The following ADAMTS9 variants were observed in gnomAD, a reference collection of about 807,000 sequenced individuals.
ADAMTS9 encodes the protein A disintegrin and metalloproteinase with thrombospondin motifs 9.
In ADAMTS9, 107 loss-of-function variants were observed where a neutral mutation model predicts 257.1. The observed-to-expected ratio is 0.42, with a 90% CI of 0.36 to 0.49. The LOEUF is 0.49. ADAMTS9 is among the 20% of genes least tolerant of loss of function. The pLI is 0.03. For synonymous variants in ADAMTS9, 982 were observed against 880.9 expected, an observed-to-expected ratio of 1.11 and a Z score of -2.03; for missense variants, 2,353 against 2,469.1, an observed-to-expected ratio of 0.95 and a Z score of 1.00.
chr3:64,631,473 C>G lies in ADAMTS9; in HGVS notation c.2371G>C (p.Asp791His), dbSNP rs1700366279. 1.2e-6 allele frequency: 2 copies of G among 1,614,078 alleles called. No individual in the cohort carries two copies. The highest frequency in any genetic ancestry group is 1.7e-6 in the Non-Finnish European group (2 of 1,179,916). Residue 791 changes from aspartate (D) to histidine (H), a missense_variant, in exon 16 of 40, where the codon GAC (aspartate) becomes CAC (histidine). This residue lies in a region of ADAMTS9 where 360 missense variants were observed against 458.1 expected (regional missense o/e 0.79). Transcript: ENST00000498707. Reference protein sequence around the residue: ...VRQHSFSGETDDDNYLALSSS... With the variant: ...VRQHSFSGETHDDNYLALSSS... Reference sequence around the variant, plus strand: ...ATCTCACCTAAGTAGTTGTCATCGTCTGTTTCCCCTGAGAAACTGTGCTGC... The same window carrying G: ...ATCTCACCTAAGTAGTTGTCATCGTGTGTTTCCCCTGAGAAACTGTGCTGC...
intron 28 of ADAMTS9, among the ~76,000 whole-genome samples, chr3:64,575,767 T>C (rs2083827020): frequency 6.6e-6 from 1 of 152,146 alleles, no homozygotes; most frequent in Non-Finnish European, 1.5e-5. Flanking sequence ...GTACCCAATA[T>C]CACTGTGTTA....
intron 29 of ADAMTS9, among the ~76,000 whole-genome samples, chr3:64,562,220 T>G (rs576925203): frequency 3.9e-5 from 6 of 152,282 alleles, no homozygotes; most frequent in African/African-American, 1.4e-4. Flanking sequence ...TTTTAGGACT[T>G]TATAAGTAGA....
At chr3:64,517,416 G>GTTTTTTTTTTTTTTGT (rs2082789886) in intron 39 of ADAMTS9, among the ~76,000 whole-genome samples, 2 of 52,640 alleles carry the variant, frequency 3.8e-5, no homozygotes, top group Admixed American at 3.8e-4. Context: ...ATTAAAAATG[G>GTTTTTTTTTTTTTTGT]TTTTTTTTTT....
At chr3:64,564,753 G>A (rs1316599092) in intron 29 of ADAMTS9, among the ~76,000 whole-genome samples, 1 of 151,092 alleles carries the variant, frequency 6.6e-6, no homozygotes, top group African/African-American at 2.4e-5. Flanking sequence ...TGTCCCATGG[G>A]GTACAAAATC....
At chr3:64,682,466 A>C (rs1701782197) in intron 2 of ADAMTS9, among the ~76,000 whole-genome samples, 1 of 152,168 alleles carries the variant, frequency 6.6e-6, no homozygotes, top group Admixed American at 6.5e-5. Context: ...CAAATGATAA[A>C]TGATACCTCA....
At chr3:64,655,067 A>G (rs190175159) in intron 6 of ADAMTS9, among the ~76,000 whole-genome samples, 1 of 152,326 alleles carries the variant, frequency 6.6e-6, no homozygotes, top group Admixed American at 6.5e-5. Flanking sequence ...TAACATTTTG[A>G]GATAGTAGCT....
At chr3:64,677,290 T>C (rs1701644832) in intron 3 of ADAMTS9, among the ~76,000 whole-genome samples, 2 of 151,964 alleles carry the variant, frequency 1.3e-5, no homozygotes, top group Non-Finnish European at 2.9e-5. Flanking sequence ...ACAAATAGGA[T>C]GAAAAGACAA....
chr3:64,601,980 G>C lies in ADAMTS9; in HGVS notation c.3981C>G (p.Leu1327=), dbSNP rs149580497. 1 of 1,613,088 alleles carries C rather than the reference G, an allele frequency of 6.2e-7. No homozygotes were observed. The highest frequency in any genetic ancestry group is 1.1e-5 in the South Asian group (1 of 90,950). Residue 1327 remains leucine (L), a synonymous_variant, in exon 26 of 40, where the codon CTC becomes CTG. Transcript: ENST00000498707. ...GGCCAGTTCTCCACTGGTTTCCACC[G>C]AGCACATGGGTGCGGCTGGGGCTGG... ...RSASPSRTHV[L]GGNQWRTGPW...
chr3:64,639,439 C>T (rs947460123), intron 12 of ADAMTS9, among the ~76,000 whole-genome samples: 1 of 151,494 alleles, frequency 6.6e-6, no homozygotes, highest in Non-Finnish European at 1.5e-5. Flanking sequence ...GCTCAAGATC[C>T]TTTTCTGCTG....
At chr3:64,649,971 C>A in intron 9 of ADAMTS9, 193 bp from the exon 10 acceptor site, 1 of 624,228 alleles carries the variant, frequency 1.6e-6, no homozygotes, top group Non-Finnish European at 2.6e-6. Context: ...TTTGTAGAAC[C>A]ACATGCAATG....
intron 8 of ADAMTS9, among the ~76,000 whole-genome samples, chr3:64,651,768 T>C (rs1046004191): frequency 6.6e-6 from 1 of 152,196 alleles, no homozygotes; most frequent in African/African-American, 2.4e-5. Flanking sequence ...ATGCCAATTC[T>C]ACTGGCATAA....
At chr3:64,606,939 A>G in intron 23 of ADAMTS9, 21 bp downstream of exon 23, 1 of 1,613,076 alleles carries the variant, frequency 6.2e-7, no homozygotes, top group Non-Finnish European at 8.5e-7. Flanking sequence ...TCAATAACTG[A>G]GTTGGACAAA....
At position 64,595,518 on chromosome 3, in the gene ADAMTS9, G is replaced by A. The variant is rs1271549630; in HGVS notation, c.4180-1084C>T. The stretch of plus-strand genomic sequence containing the variant: ...GCAAGTTCGTGTACTCTCCTGGCTT[G>A]AATCCAATTACAGAAGCTTAATCAC... On this transcript the variant is annotated intron_variant, in intron 27 of 39. Transcript: ENST00000498707. Among the ~76,000 whole-genome samples, 3 of 152,304 alleles carry A rather than the reference G, an allele frequency of 2.0e-5. No individual in the cohort carries two copies. The East Asian group carries it at 5.8e-4, about 29-fold the overall frequency.
intron 19 of ADAMTS9, among the ~76,000 whole-genome samples, chr3:64,620,079 T>C (rs548537477): frequency 5.3e-5 from 8 of 151,936 alleles, no homozygotes; most frequent in Non-Finnish European, 1.2e-4. Context: ...ACTAGGGCAA[T>C]GAGCTAGAAA....
At chr3:64,590,907 G>T (rs546389450) in intron 28 of ADAMTS9, among the ~76,000 whole-genome samples, 2 of 152,084 alleles carry the variant, frequency 1.3e-5, no homozygotes, top group Non-Finnish European at 2.9e-5. Context: ...ATGCACAAAG[G>T]AACACCGAAG....
intron 38 of ADAMTS9, among the ~76,000 whole-genome samples, chr3:64,523,198 T>C (rs561424081): frequency 1.3e-5 from 2 of 152,316 alleles, no homozygotes; most frequent in Admixed American, 6.5e-5. Context: ...GGACTATTGC[T>C]TGAAAAGCTA....
intron 38 of ADAMTS9, among the ~76,000 whole-genome samples, chr3:64,527,142 A>G (rs1241833363): frequency 2.6e-5 from 4 of 152,328 alleles, no homozygotes; most frequent in Admixed American, 2.0e-4. Flanking sequence ...TATTTCAGAA[A>G]AGAAATATAT....
At chr3:64,656,789 G>A (rs914192262) in intron 4 of ADAMTS9, among the ~76,000 whole-genome samples, 2 of 152,070 alleles carry the variant, frequency 1.3e-5, no homozygotes, top group Non-Finnish European at 2.9e-5. Context: ...CAGGGTTGGG[G>A]GGCGCAGAGG....
At chr3:64,659,570 A>G (rs2106973998) in intron 3 of ADAMTS9, among the ~76,000 whole-genome samples, 1 of 152,256 alleles carries the variant, frequency 6.6e-6, no homozygotes, top group Non-Finnish European at 1.5e-5. Context: ...ACAGGCTAAC[A>G]GACGATACAG....
Sources: allele counts gnomAD v4.1 joint callset (sites outside exome capture counted in the v4.1 genomes callset), GRCh38; gene constraint gnomAD v4.1.1; regional missense constraint gnomAD v4.1.1; transcripts MANE v1.5; gene names NCBI Gene and HGNC (gene_info 2026-07-23, HGNC 2026-07-21).